RBFOX1: variants seen among roughly 807,000 people sequenced by gnomAD.
RBFOX1 encodes RNA binding fox-1 homolog 1, also known as RNA binding protein fox-1 homolog 1.
In RBFOX1, 8 loss-of-function variants were observed where a neutral mutation model predicts 57.7. That is an observed-to-expected ratio of 0.14 (90% CI 0.08 to 0.25). The LOEUF is 0.25. Among genes scored for constraint, RBFOX1 ranks in the 10% least tolerant of loss-of-function variants. RBFOX1 has a pLI of 1.00. For synonymous variants in RBFOX1, 326 were observed against 222.4 expected (o/e 1.47, Z -4.15); for missense variants, 611 against 548.5 (o/e 1.11, Z -1.14).
chr16:7,618,268 G>A (rs916975736), intron 10 of RBFOX1, among the ~76,000 whole-genome samples: 16 of 152,162 alleles, frequency 1.1e-4, no homozygotes, highest in African/African-American at 3.9e-4. Flanking sequence ...GAAGACACCT[G>A]TTGGTGAGTT....
chr16:6,003,391 C>T (rs960163669), intron 4 of RBFOX1, among the ~76,000 whole-genome samples: 5 of 151,942 alleles, frequency 3.3e-5, no homozygotes, highest in Non-Finnish European at 2.9e-5. Flanking sequence ...CTGAAGGTAG[C>T]TCTTCCTCCT....
chr16:6,945,280 A>G (rs1177195286), intron 3 of RBFOX1, among the ~76,000 whole-genome samples: 2 of 152,116 alleles, frequency 1.3e-5, no homozygotes, highest in African/African-American at 4.8e-5. Context: ...TTAGCGTGTT[A>G]TGATGGTGAG....
intron 3 of RBFOX1, among the ~76,000 whole-genome samples, chr16:7,017,327 C>G (rs1300337677): frequency 1.3e-5 from 2 of 152,146 alleles, no homozygotes; most frequent in Admixed American, 6.5e-5. Flanking sequence ...GATCCAGCAC[C>G]TTTCTATCTT....
rs2095316186 is a variant in RBFOX1 at position 7,607,258 on chromosome 16, A to G, written c.623-27A>G. 3 of 1,596,060 alleles carry G rather than the reference A, an allele frequency of 1.9e-6. No homozygotes were observed. The Admixed American group carries it at 5.3e-5, about 28-fold the overall frequency. ...ATAAGATGTTGAATCAAATGTGATA[A>G]TAATGTTTTTGTGTATTTGTTTTAA... On this transcript the variant is annotated intron_variant, in intron 9 of 15. Transcript: ENST00000550418.
chr16:7,300,562 T>A (rs1378236563), intron 4 of RBFOX1, among the ~76,000 whole-genome samples: 1 of 152,198 alleles, frequency 6.6e-6, no homozygotes, highest in Non-Finnish European at 1.5e-5. Flanking sequence ...AGTCCTTCTT[T>A]CTGTCTAACT....
At chr16:5,337,168 A>G (rs2064918969) in intron 1 of RBFOX1, among the ~76,000 whole-genome samples, 1 of 152,194 alleles carries the variant, frequency 6.6e-6, no homozygotes, top group Admixed American at 6.5e-5. Flanking sequence ...TCAGGTGACA[A>G]AAGAACCTCC....
chr16:5,675,902 T>G (rs138751023), intron 3 of RBFOX1, among the ~76,000 whole-genome samples: 1 of 152,118 alleles, frequency 6.6e-6, no homozygotes, highest in African/African-American at 2.4e-5. Context: ...GAGCTCTCAT[T>G]TGGGGGAACA....
At chr16:6,110,844 A>T (rs1298344736) in intron 1 of RBFOX1, among the ~76,000 whole-genome samples, 2 of 152,190 alleles carry the variant, frequency 1.3e-5, no homozygotes, top group African/African-American at 4.8e-5. Context: ...AGACGGTGCT[A>T]ATAATTCTCC....
chr16:5,953,172 G>C (rs1279830838), intron 4 of RBFOX1, among the ~76,000 whole-genome samples: 2 of 152,284 alleles, frequency 1.3e-5, no homozygotes, highest in South Asian at 2.1e-4. Context: ...CTAATATTCA[G>C]TTAAGACCAA....
At chr16:7,319,333 C>A (rs764985757) in intron 4 of RBFOX1, among the ~76,000 whole-genome samples, 5 of 152,128 alleles carry the variant, frequency 3.3e-5, no homozygotes, top group Non-Finnish European at 5.9e-5. Context: ...TGAGTCCAGA[C>A]CTATGATAGG....
At chr16:7,224,049 G>A (rs184523245) in intron 4 of RBFOX1, among the ~76,000 whole-genome samples, 36 of 145,804 alleles carry the variant, frequency 2.5e-4, no homozygotes, top group Non-Finnish European at 7.4e-5. Context: ...TGACCTTTGG[G>A]ATGCATCAGA....
chr16:5,401,135 T>G (rs2066702779), intron 1 of RBFOX1, among the ~76,000 whole-genome samples: 1 of 152,184 alleles, frequency 6.6e-6, no homozygotes, highest in Non-Finnish European at 1.5e-5. Context: ...AGTTTGTGCT[T>G]AGAAGAGCCT....
At chr16:6,951,567 C>G (rs1047128174) in intron 3 of RBFOX1, among the ~76,000 whole-genome samples, 1 of 152,204 alleles carries the variant, frequency 6.6e-6, no homozygotes, top group African/African-American at 2.4e-5. Context: ...ACTAAGATCT[C>G]TCTTTCTCTC....
At chr16:6,545,618 C>A (rs774276974) in intron 2 of RBFOX1, among the ~76,000 whole-genome samples, 28 of 152,228 alleles carry the variant, frequency 1.8e-4, no homozygotes, top group Non-Finnish European at 4.0e-4. Flanking sequence ...AAAGATCTCA[C>A]TGTACTAATT....
chr16:5,486,944 C>T (rs1293530983), intron 2 of RBFOX1, among the ~76,000 whole-genome samples: 1 of 152,176 alleles, frequency 6.6e-6, no homozygotes, highest in Non-Finnish European at 1.5e-5. Flanking sequence ...CCTTCTTCTT[C>T]AATGCTCACC....
At chr16:7,695,630 C>T (rs138958364) in intron 14 of RBFOX1, among the ~76,000 whole-genome samples, 1,388 of 129,812 alleles carry the variant, frequency 0.011, 10 homozygotes, top group Non-Finnish European at 0.017. Flanking sequence ...CCGGCCTGGA[C>T]GACAGAGCAA....
intron 1 of RBFOX1, among the ~76,000 whole-genome samples, chr16:6,151,218 C>T (rs1417628032): frequency 6.6e-6 from 1 of 152,122 alleles, no homozygotes; most frequent in Admixed American, 6.6e-5. Flanking sequence ...AAGTTTGTGG[C>T]CAGGCTTAAG....
chr16:7,328,999 G>T (rs1462813645), intron 4 of RBFOX1, among the ~76,000 whole-genome samples: 1 of 152,124 alleles, frequency 6.6e-6, no homozygotes, highest in African/African-American at 2.4e-5. Flanking sequence ...TTTGTGACCT[G>T]TAAAAATGAT....
intron 4 of RBFOX1, among the ~76,000 whole-genome samples, chr16:7,342,361 C>T (rs1204244776): frequency 6.6e-6 from 1 of 152,154 alleles, no homozygotes; most frequent in Non-Finnish European, 1.5e-5. Context: ...GGCATCCTGG[C>T]TCCTGTGTGA....
Sources: gnomAD v4.1 joint callset for allele counts (sites outside exome capture counted in the v4.1 genomes callset) on GRCh38, gnomAD v4.1.1 for gene constraint, MANE v1.5 for transcripts, NCBI Gene and HGNC (gene_info 2026-07-23, HGNC 2026-07-21) for gene names.